The following REV3L variants were observed in gnomAD, a reference collection of about 807,000 sequenced individuals.
The protein encoded by REV3L is REV3 like, DNA directed polymerase zeta catalytic subunit, also known as DNA polymerase zeta catalytic subunit.
In REV3L, 69 loss-of-function variants were observed where a neutral mutation model predicts 299.4. The ratio of observed to expected loss-of-function variants is 0.23; its 90% confidence interval spans 0.19 to 0.28. The LOEUF (loss-of-function observed/expected upper bound fraction) is 0.28. Among genes scored for constraint, REV3L ranks in the 10% least tolerant of loss-of-function variants. The probability of loss-of-function intolerance (pLI) is 1.00; values close to 1 mark genes in which losing one functional copy is unlikely to be tolerated. For missense variants in REV3L, 3,128 were observed against 3,693.8 expected (o/e 0.85, Z 3.97); for synonymous variants, 1,238 against 1,271.4 (o/e 0.97, Z 0.56).
At chr6:111,412,418 G>A (rs1172987627) in intron 2 of REV3L, 1 of 196,842 alleles carries the variant, frequency 5.1e-6, no homozygotes, top group Non-Finnish European at 9.2e-6. Flanking sequence ...TACAACCTCT[G>A]ATATACAGAA....
chr6:111,336,931 C>T (rs533517148), intron 21 of REV3L, among the ~76,000 whole-genome samples: 4 of 152,184 alleles, frequency 2.6e-5, no homozygotes, highest in South Asian at 2.1e-4. Flanking sequence ...ACATATTGCA[C>T]GATTCTGTTC....
intron 21 of REV3L, among the ~76,000 whole-genome samples, chr6:111,336,281 A>G (rs1037236518): frequency 6.6e-6 from 1 of 152,068 alleles, no homozygotes; most frequent in Non-Finnish European, 1.5e-5. Flanking sequence ...TTTTAATATT[A>G]TAAGATGTAA....
chr6:111,401,734 G>C (rs999345156), intron 4 of REV3L, among the ~76,000 whole-genome samples: 2 of 152,152 alleles, frequency 1.3e-5, no homozygotes, highest in African/African-American at 4.8e-5. Flanking sequence ...AAAATTACTA[G>C]CATGCTGGAG....
intron 1 of REV3L, among the ~76,000 whole-genome samples, chr6:111,421,563 C>G (rs956307653): frequency 2.0e-5 from 3 of 152,064 alleles, no homozygotes; most frequent in African/African-American, 7.2e-5. Flanking sequence ...TTGCCAATCT[C>G]TGCTCTAATT....
rs55734490 is a variant in REV3L, at chr6:111,376,517, G to A, written c.1838C>T (p.Ser613Leu). 37 of 1,612,752 alleles carry A rather than the reference G, an allele frequency of 2.3e-5. No homozygotes were observed. In the East Asian group the frequency reaches 8.0e-4, roughly 35 times the overall value. Residue 613 changes from serine (S) to leucine (L), a missense_variant, in exon 13 of 32, where the codon TCA (serine) becomes TTA (leucine). Physicochemically the swap from Ser to Leu is moderately radical, Grantham distance 145. This residue lies in a region of REV3L where 2,409 missense variants were observed against 2,611.8 expected (regional missense o/e 0.92). Transcript: ENST00000368802. Reference protein sequence around the residue: ...NKNTEKGLDNSVTSFTNESTY... With the variant: ...NKNTEKGLDNLVTSFTNESTY... ...GCTTTCGTTTGTAAAAGAAGTGACT[G>A]AGTTATCTAGACCTTTTTCTGTATT...
At chr6:111,480,760 T>C (rs1562380469) in intron 1 of REV3L, among the ~76,000 whole-genome samples, 2 of 151,342 alleles carry the variant, frequency 1.3e-5, no homozygotes, top group African/African-American at 4.8e-5. Flanking sequence ...TTTTAATTCA[T>C]TTAAAATATA....
chr6:111,328,335 G>A (rs974192531), intron 25 of REV3L, among the ~76,000 whole-genome samples: 1 of 152,130 alleles, frequency 6.6e-6, no homozygotes, highest in Non-Finnish European at 1.5e-5. Context: ...GAACTCTTGG[G>A]CTCAAGCAAT....
chr6:111,416,288 T>G lies in REV3L; in HGVS notation c.324A>C (p.Ser108=). ...AQHVFKVSLV[S]GMPFYGYHEK... is the part of the protein sequence containing the mutation. ...ATATATTATCATATACTTACATTCC[T>G]GATACTAATGACACTTTGAACACAT... Residue 108 remains serine (S), a synonymous_variant, in exon 2 of 32, where the codon TCA becomes TCC. Coordinates refer to ENST00000368802, the MANE Select transcript of REV3L (RefSeq NM_001372078.1). 1 of 1,605,154 alleles carries G rather than the reference T, an allele frequency of 6.2e-7. No homozygotes were observed. The highest frequency in any genetic ancestry group is 1.1e-5 in the South Asian group (1 of 89,488).
chr6:111,370,970 T>TC (rs1469426896), intron 13 of REV3L, among the ~76,000 whole-genome samples: 1 of 149,536 alleles, frequency 6.7e-6, no homozygotes, highest in East Asian at 2.0e-4. Flanking sequence ...GTATCTTTCT[T>TC]TTTTTTTTTT....
At chr6:111,429,321 T>C (rs892880237) in intron 1 of REV3L, among the ~76,000 whole-genome samples, 5 of 152,242 alleles carry the variant, frequency 3.3e-5, no homozygotes, top group Non-Finnish European at 7.4e-5. Context: ...GTCAAATACA[T>C]AGTCTTTCCC....
At chr6:111,425,849 A>G (rs942769691) in intron 1 of REV3L, among the ~76,000 whole-genome samples, 1 of 152,198 alleles carries the variant, frequency 6.6e-6, no homozygotes, top group Admixed American at 6.5e-5. Flanking sequence ...AGAGAGAGAA[A>G]TTATAAAAAA....
At chr6:111,452,836 A>G (rs1789714584) in intron 1 of REV3L, among the ~76,000 whole-genome samples, 1 of 152,198 alleles carries the variant, frequency 6.6e-6, no homozygotes, top group South Asian at 2.1e-4. Context: ...GGGAATAAAC[A>G]TATTTGCCCC....
chr6:111,339,242 TACTTC>T (rs760684414), intron 21 of REV3L, among the ~76,000 whole-genome samples: 19 of 152,264 alleles, frequency 1.2e-4, no homozygotes, highest in East Asian at 3.9e-4. Context: ...ATTTAATTCT[TACTTC>T]ACTTCATGAG....
At chr6:111,344,170 T>G (rs1430450583) in intron 20 of REV3L, 127 bp from the exon 21 acceptor site, 4 of 616,640 alleles carry the variant, frequency 6.5e-6, no homozygotes, top group Non-Finnish European at 8.5e-6. Context: ...AAAACTGATG[T>G]GCAGTACAAC....
chr6:111,352,403 T>C (rs1777663170), intron 18 of REV3L, among the ~76,000 whole-genome samples: 1 of 152,128 alleles, frequency 6.6e-6, no homozygotes, highest in African/African-American at 2.4e-5. Flanking sequence ...CCATTACCAC[T>C]GAAGTATATG....
intron 4 of REV3L, among the ~76,000 whole-genome samples, chr6:111,398,927 T>C (rs11153291): frequency 0.4 from 60,618 of 151,966 alleles, 14,615 homozygotes; most frequent in Non-Finnish European, 0.54. Flanking sequence ...ATTGTGATTT[T>C]TGCCATTGAA....
At chr6:111,399,677 G>A (rs567001212) in intron 4 of REV3L, among the ~76,000 whole-genome samples, 2 of 151,896 alleles carry the variant, frequency 1.3e-5, no homozygotes, top group East Asian at 3.9e-4. Flanking sequence ...AGTAGACTGG[G>A]GTTACGAGTT....
chr6:111,336,124 T>G lies in REV3L; in HGVS notation c.7539-514A>C, dbSNP rs540246560. Among the ~76,000 whole-genome samples the G allele has an allele frequency of 5.3e-5, 8 of 152,048 alleles. No homozygotes were observed. In the South Asian group the frequency reaches 1.2e-3, roughly 24 times the overall value. On this transcript the variant is annotated intron_variant, in intron 21 of 31. Coordinates refer to ENST00000368802, the MANE Select transcript of REV3L (RefSeq NM_001372078.1). Reference sequence around the variant, plus strand: ...ATCAGGAACATAAATTTTAGTGAGATAATACATGGGTTAAACATATTTCAA... The same window carrying G: ...ATCAGGAACATAAATTTTAGTGAGAGAATACATGGGTTAAACATATTTCAA...
chr6:111,430,634 C>T, intron 1 of REV3L: 1 of 1,524,356 alleles, frequency 6.6e-7, no homozygotes. Context: ...AGGACAGAGG[C>T]TGCTGGCCGA....
Sources: allele counts gnomAD v4.1 joint callset (sites outside exome capture counted in the v4.1 genomes callset), GRCh38; gene constraint gnomAD v4.1.1; regional missense constraint gnomAD v4.1.1; transcripts MANE v1.5; gene names NCBI Gene and HGNC (gene_info 2026-07-23, HGNC 2026-07-21).